The following MYOCD variants were observed in gnomAD, a reference collection of about 807,000 sequenced individuals.
MYOCD encodes myocardin.
A neutral mutation model predicts 96.1 loss-of-function variants in MYOCD; 32 were observed. The ratio of observed to expected loss-of-function variants is 0.33; its 90% CI spans 0.25 to 0.45. The LOEUF (loss-of-function observed/expected upper bound fraction) is 0.45. MYOCD is among the 20% of genes least tolerant of loss of function. The pLI, the probability that MYOCD is intolerant of heterozygous loss-of-function variation, is 1.00. For synonymous variants in MYOCD, 469 were observed against 469.0 expected, an observed-to-expected ratio of 1.00 and a Z score of 0.00; for missense variants, 1,133 against 1,200.6, an observed-to-expected ratio of 0.94 and a Z score of 0.83.
Position 12,745,790 on chromosome 17 carries a change from C to A in MYOCD, c.972-129C>A, listed in dbSNP as rs1016158573. The A allele has an allele frequency of 1.5e-5, 14 of 937,634 alleles. No homozygotes were observed. The African/African-American group carries it at 2.1e-4, about 14-fold the overall frequency. 58.1% of individuals were successfully genotyped at this position (937,634 alleles called of 1,614,324 possible). ...TAGCCGGCAGTGTTGTTTTTCCTCACCCTGGTCTCTTCTGCTGGTTTATTA... is the reference window on the plus strand; with the variant it reads ...TAGCCGGCAGTGTTGTTTTTCCTCAACCTGGTCTCTTCTGCTGGTTTATTA... On this transcript the variant is annotated intron_variant, in intron 8 of 13. Transcript: ENST00000425538.
chr17:12,700,433 T>A (rs2031012820), intron 1 of MYOCD, among the ~76,000 whole-genome samples: 1 of 125,790 alleles, frequency 7.9e-6, no homozygotes, highest in Non-Finnish European at 1.6e-5. Context: ...TTTTTTGAGA[T>A]GGAGTCTCAC....
At chr17:12,750,534 C>CA (rs1184399585) in intron 9 of MYOCD, among the ~76,000 whole-genome samples, 3 of 151,892 alleles carry the variant, frequency 2.0e-5, no homozygotes, top group Admixed American at 2.0e-4. Flanking sequence ...ACTTAAAATA[C>CA]AAAAATTAGC....
chr17:12,682,265 G>C (rs146797711), intron 1 of MYOCD, among the ~76,000 whole-genome samples: 2 of 152,316 alleles, frequency 1.3e-5, no homozygotes, highest in African/African-American at 2.4e-5. Flanking sequence ...GAAAGAATTT[G>C]GTGGGTGAAC....
In MYOCD at chr17:12,758,077, C is replaced by G. The variant is rs374154175; in HGVS notation, c.2203-8C>G. 3.2e-6 allele frequency: 5 copies of G among 1,583,186 alleles called. No homozygotes were observed. The highest frequency in any genetic ancestry group is 4.3e-6 in the Non-Finnish European group (5 of 1,152,082). On this transcript the variant is annotated splice_polypyrimidine_tract_variant and splice_region_variant and intron_variant, in intron 11 of 13. Transcript: ENST00000425538. ...TTCAATGCCTTTCTTCATATTTTAC[C>G]CATGCAGATGGCTGGTTTACACTCT...
intron 9 of MYOCD, among the ~76,000 whole-genome samples, chr17:12,747,572 G>C (rs1222248105): frequency 6.6e-6 from 1 of 152,042 alleles, no homozygotes; most frequent in Non-Finnish European, 1.5e-5. Context: ...AACCTAGAAG[G>C]GTGAATGAGA....
chr17:12,752,928 T>C lies in MYOCD; in HGVS notation c.1640T>C (p.Met547Thr). 6.2e-7 allele frequency: 1 copy of C among 1,614,052 alleles called. No homozygotes were observed. The highest frequency in any genetic ancestry group is 8.5e-7 in the Non-Finnish European group (1 of 1,180,018). ...CAGAGGCAGGTGGAGGAGCTGAGGA[T>C]GCAGCTTCAGAAGCAGAAAAGGAAT... ...QEQRQVEELRMQLQKQKRNNC... is the reference protein window; with the variant it reads ...QEQRQVEELRTQLQKQKRNNC... The change falls in exon 10 of 14, where the codon ATG becomes ACG. Residue 547 changes from methionine to threonine, a missense_variant. Transcript: ENST00000425538.
chr17:12,756,263 A>T, intron 10 of MYOCD, 151 bp from the exon 11 acceptor site: 1 of 896,918 alleles, frequency 1.1e-6, no homozygotes, highest in Non-Finnish European at 1.7e-6. Flanking sequence ...CTAAAAAGCC[A>T]GATTTTAGGC....
chr17:12,679,382 C>A (rs752085614), intron 1 of MYOCD, among the ~76,000 whole-genome samples: 11 of 152,172 alleles, frequency 7.2e-5, no homozygotes, highest in African/African-American at 2.6e-4. Flanking sequence ...GAAATGCAGC[C>A]TTCACAAAGG....
At chr17:12,742,956 A>G (rs561547514) in intron 7 of MYOCD, among the ~76,000 whole-genome samples, 1 of 152,326 alleles carries the variant, frequency 6.6e-6, no homozygotes, top group East Asian at 1.9e-4. Flanking sequence ...GGAGCAGGTT[A>G]TAGACATAAT....
chr17:12,730,140 C>A (rs2032124727), intron 5 of MYOCD, among the ~76,000 whole-genome samples: 1 of 151,564 alleles, frequency 6.6e-6, no homozygotes, highest in Admixed American at 6.6e-5. Flanking sequence ...GAGTGAGACC[C>A]TATCTCTCAA....
In MYOCD at chr17:12,733,845, G is replaced by A. The variant is rs576868388; in HGVS notation, c.416-2316G>A. Among the ~76,000 whole-genome samples, 13 of 141,640 alleles carry A rather than the reference G, an allele frequency of 9.2e-5. No individual in the cohort carries two copies. The South Asian group carries it at 2.7e-3, about 29-fold the overall frequency. The allele number at this position is 141,640 out of a possible 152,430, so 92.9% of individuals were successfully genotyped here. A position where few individuals can be genotyped will look rare whatever the true frequency, so the allele number is the denominator to read the frequency against. Reference sequence around the variant, plus strand: ...CATGTCACTGCACTCCAGCCTGGGTGACAGAGCAAGACTCCGTCTCAAAAA... The same window carrying A: ...CATGTCACTGCACTCCAGCCTGGGTAACAGAGCAAGACTCCGTCTCAAAAA... On this transcript the variant is annotated intron_variant, in intron 5 of 13. Coordinates refer to ENST00000425538, the MANE Select transcript of MYOCD (RefSeq NM_001146312.3).
chr17:12,715,970 A>T (rs1459311399), intron 3 of MYOCD, among the ~76,000 whole-genome samples: 1 of 152,200 alleles, frequency 6.6e-6, no homozygotes, highest in Non-Finnish European at 1.5e-5. Flanking sequence ...GGCATGGTTT[A>T]TGCATACAGA....
At chr17:12,758,398 G>A (rs1396724916) in intron 12 of MYOCD, 185 bp downstream of exon 12, 2 of 907,718 alleles carry the variant, frequency 2.2e-6, no homozygotes, top group Non-Finnish European at 3.3e-6. Flanking sequence ...AGCTGTGTGA[G>A]GCAGGGAGAG....
intron 10 of MYOCD, among the ~76,000 whole-genome samples, chr17:12,754,945 A>C (rs533675846): frequency 6.6e-6 from 1 of 152,206 alleles, no homozygotes; most frequent in African/African-American, 2.4e-5. Flanking sequence ...CCAGGATCAC[A>C]TGAACCCAAG....
chr17:12,752,445 G>T lies in MYOCD; in HGVS notation c.1157G>T (p.Arg386Leu). ...VSELRQQLRI[R>L]GLPVSGTKTA... The stretch of plus-strand genomic sequence containing the variant: ...GAATTAAGACAACAGCTTCGAATTC[G>T]GGGCTTGCCTGTGTCAGGCACCAAA... The change falls in exon 10 of 14, where the codon CGG (arginine) becomes CTG (leucine). Residue 386 changes from arginine to leucine, a missense_variant. By Grantham distance (102) the Arg-to-Leu change is moderately radical. Coordinates refer to ENST00000425538, the MANE Select transcript of MYOCD (RefSeq NM_001146312.3). 6.2e-7 allele frequency: 1 copy of T among 1,612,856 alleles called. No individual in the cohort carries two copies. Among genetic ancestry groups the T allele is most frequent in the Non-Finnish European group, 8.5e-7 (1 of 1,179,466 alleles).
At chr17:12,734,537 G>T (rs2032283157) in intron 5 of MYOCD, among the ~76,000 whole-genome samples, 7 of 90,952 alleles carry the variant, frequency 7.7e-5, no homozygotes, top group African/African-American at 1.3e-4. Flanking sequence ...TTGAGACACA[G>T]TCTTGTTCTG....
rs930531884 is a variant in MYOCD at position 12,666,527 on chromosome 17, A to C, written c.55+284A>C. On this transcript the variant is annotated intron_variant, in intron 1 of 13. Transcript: ENST00000425538. ...ATGAATAGAAATTTTGGAGGGGTAC[A>C]TTCAGAGGGAGCAACTTTGGAAATG... is the stretch of plus-strand genomic sequence containing the variant. Among the ~76,000 whole-genome samples the C allele has an allele frequency of 1.4e-4, 21 of 152,160 alleles. 1 individual carries two copies.
intron 9 of MYOCD, among the ~76,000 whole-genome samples, chr17:12,749,477 T>A (rs2032763363): frequency 6.6e-6 from 1 of 151,166 alleles, no homozygotes; most frequent in Non-Finnish European, 1.5e-5. Context: ...TGCAGTGAGC[T>A]GAGATCGCAC....
At chr17:12,700,545 C>G (rs923177162) in intron 1 of MYOCD, among the ~76,000 whole-genome samples, 4 of 150,818 alleles carry the variant, frequency 2.7e-5, no homozygotes, top group African/African-American at 9.8e-5. Flanking sequence ...TCCCGAGTAG[C>G]TGGGACTACA....
Sources: allele counts gnomAD v4.1 joint callset (sites outside exome capture counted in the v4.1 genomes callset), GRCh38; gene constraint gnomAD v4.1.1; transcripts MANE v1.5; gene names NCBI Gene and HGNC (gene_info 2026-07-23, HGNC 2026-07-21).